LPP: variants seen among roughly 807,000 people sequenced by gnomAD.
LPP encodes the protein lipoma-preferred partner.
Under a neutral mutation model 60.4 loss-of-function variants are expected in LPP, and 38 were observed. That is an observed-to-expected ratio of 0.63 (90% CI 0.49 to 0.83). The LOEUF (loss-of-function observed/expected upper bound fraction) is 0.83, where lower values mean the gene tolerates loss of function less well. Among genes scored for constraint, LPP ranks in the 40% least tolerant of loss-of-function variants. LPP has a pLI of 0.00. For synonymous variants in LPP, 328 were observed against 290.8 expected, an observed-to-expected ratio of 1.13 and a Z score of -1.30; for missense variants, 902 against 783.6, an observed-to-expected ratio of 1.15 and a Z score of -1.80.
rs142921086 is a variant in LPP, at chr3:188,566,903, G to A, written c.429+42116G>A. 2.4e-3 allele frequency among the ~76,000 whole-genome samples: 361 copies of A among 151,878 alleles called. 4 individuals carry two copies. Among genetic ancestry groups the A allele is most frequent in the African/African-American group, 7.7e-3 (319 of 41,492 alleles). ...AGTATCTTTATGCATACAGAAAACA[G>A]ATAAATGAAAGGATTTAGAAAACTT... is the stretch of plus-strand genomic sequence containing the variant. On this transcript the variant is annotated intron_variant, in intron 6 of 11. Transcript: ENST00000617246.
chr3:188,729,577 A>G (rs997373984), intron 8 of LPP, among the ~76,000 whole-genome samples: 3 of 152,208 alleles, frequency 2.0e-5, no homozygotes, highest in Non-Finnish European at 4.4e-5. Flanking sequence ...GTTCTCTTTC[A>G]GTTCAAAACA....
At chr3:188,621,051 A>G (rs936766389) in intron 7 of LPP, among the ~76,000 whole-genome samples, 2 of 152,086 alleles carry the variant, frequency 1.3e-5, no homozygotes, top group Non-Finnish European at 2.9e-5. Context: ...GAAAACCACC[A>G]TGGCATGTGT....
intron 2 of LPP, among the ~76,000 whole-genome samples, chr3:188,285,976 G>T (rs1421186881): frequency 1.3e-5 from 2 of 152,166 alleles, no homozygotes; most frequent in African/African-American, 4.8e-5. Flanking sequence ...AGCACATTTT[G>T]TCTTTTTTCT....
chr3:188,392,695 A>G (rs1046002893), intron 3 of LPP, among the ~76,000 whole-genome samples: 3 of 152,118 alleles, frequency 2.0e-5, no homozygotes, highest in Non-Finnish European at 4.4e-5. Context: ...AGAAATTTCC[A>G]AAACAAGCAG....
chr3:188,541,216 T>A (rs1579785562), intron 6 of LPP, among the ~76,000 whole-genome samples: 2 of 152,344 alleles, frequency 1.3e-5, no homozygotes, highest in Admixed American at 1.3e-4. Context: ...GTTCATCTGA[T>A]TGACCTGGAG....
intron 3 of LPP, among the ~76,000 whole-genome samples, chr3:188,354,573 C>A (rs1427521001): frequency 6.6e-6 from 1 of 151,802 alleles, no homozygotes; most frequent in African/African-American, 2.4e-5. Context: ...TGTTTTTTTT[C>A]TTTTACAGTT....
rs1022425448 is a variant in LPP, at chr3:188,177,426, G to A, written c.-190+23174G>A. Among the ~76,000 whole-genome samples, 5 of 152,228 alleles carry A rather than the reference G, an allele frequency of 3.3e-5. No homozygotes were observed. The South Asian group carries it at 1.0e-3, about 32-fold the overall frequency. On this transcript the variant is annotated intron_variant, in intron 1 of 11. Transcript: ENST00000617246. ...TCTGCTCCCTGGACCAGCATAGGAGGGTGGCAGACAGTACAGTGATTTGAA... is the reference window on the plus strand; with the variant it reads ...TCTGCTCCCTGGACCAGCATAGGAGAGTGGCAGACAGTACAGTGATTTGAA...
intron 8 of LPP, among the ~76,000 whole-genome samples, chr3:188,715,644 A>G (rs944236980): frequency 8.5e-5 from 13 of 152,200 alleles, no homozygotes; most frequent in African/African-American, 3.1e-4. Flanking sequence ...TAACCTTGAG[A>G]TATCTCTTTG....
At chr3:188,224,985 T>TCA (rs1026171296) in intron 1 of LPP, among the ~76,000 whole-genome samples, 1 of 152,190 alleles carries the variant, frequency 6.6e-6, no homozygotes, top group African/African-American at 2.4e-5. Context: ...TCACTGATTC[T>TCA]CACTTTTCAG....
At chr3:188,843,786 C>CAAAAAAAAAAAAAAAAAAAAAAAAAAA (rs544161994) in intron 9 of LPP, among the ~76,000 whole-genome samples, 20 of 75,660 alleles carry the variant, frequency 2.6e-4, no homozygotes, top group African/African-American at 6.4e-4. Flanking sequence ...GACTCCGTCT[C>CAAAAAAAAAAAAAAAAAAAAAAAAAAA]AAAAAAAAAA....
At chr3:188,747,788 A>G (rs948793326) in intron 8 of LPP, among the ~76,000 whole-genome samples, 1 of 152,230 alleles carries the variant, frequency 6.6e-6, no homozygotes, top group South Asian at 2.1e-4. Context: ...TAGTGTTGCT[A>G]TGCGAATGCT....
At chr3:188,497,778 A>G (rs1810675457) in intron 5 of LPP, among the ~76,000 whole-genome samples, 1 of 152,210 alleles carries the variant, frequency 6.6e-6, no homozygotes, top group Non-Finnish European at 1.5e-5. Flanking sequence ...TTTTATAAGT[A>G]GAGATGTGTC....
chr3:188,458,883 T>C (rs1798359476), intron 4 of LPP, among the ~76,000 whole-genome samples: 1 of 152,082 alleles, frequency 6.6e-6, no homozygotes, highest in African/African-American at 2.4e-5. Flanking sequence ...TTTTTTTTTT[T>C]CTGGAAGTAG....
At chr3:188,332,792 A>G (rs932286375) in intron 2 of LPP, among the ~76,000 whole-genome samples, 1 of 152,180 alleles carries the variant, frequency 6.6e-6, no homozygotes, top group African/African-American at 2.4e-5. Flanking sequence ...GTAGGGCCTC[A>G]GACTCTACTA....
chr3:188,327,897 A>G (rs1305713608), intron 2 of LPP, among the ~76,000 whole-genome samples: 2 of 152,214 alleles, frequency 1.3e-5, no homozygotes, highest in African/African-American at 4.8e-5. Context: ...GATATTTACC[A>G]TATTCAAAAA....
At chr3:188,376,218 G>A (rs2151137184) in intron 3 of LPP, among the ~76,000 whole-genome samples, 1 of 151,932 alleles carries the variant, frequency 6.6e-6, no homozygotes, top group East Asian at 1.9e-4. Context: ...ATGTCTATTA[G>A]GTCTGCTTGG....
chr3:188,382,515 G>C (rs1777174108), intron 3 of LPP, among the ~76,000 whole-genome samples: 1 of 152,152 alleles, frequency 6.6e-6, no homozygotes. Flanking sequence ...TTTAAAAAGA[G>C]CCTTTTAAAA....
chr3:188,598,203 G>A (rs1270677487), intron 6 of LPP, among the ~76,000 whole-genome samples: 12 of 152,124 alleles, frequency 7.9e-5, no homozygotes, highest in Admixed American at 7.9e-4. Context: ...AAGATAAACA[G>A]TAGTTCTATC....
At chr3:188,244,637 T>G (rs1367360703) in intron 2 of LPP, among the ~76,000 whole-genome samples, 1 of 152,242 alleles carries the variant, frequency 6.6e-6, no homozygotes, top group African/African-American at 2.4e-5. Context: ...GCTTTATTCA[T>G]TCTCCATTGT....
Sources: gnomAD v4.1 joint callset for allele counts (sites outside exome capture counted in the v4.1 genomes callset) on GRCh38, gnomAD v4.1.1 for gene constraint, MANE v1.5 for transcripts, NCBI Gene and HGNC (gene_info 2026-07-23, HGNC 2026-07-21) for gene names.